The following HSD17B4 variants were observed in gnomAD, a reference collection of about 807,000 sequenced individuals.
The protein encoded by HSD17B4 is peroxisomal multifunctional enzyme type 2.
HSD17B4 carries 70 observed loss-of-function variants against 101.0 expected under a neutral mutation model. That is an observed-to-expected ratio of 0.69 (90% CI 0.57 to 0.85). HSD17B4 has a LOEUF of 0.85. Ranked by LOEUF, HSD17B4 falls within the 40% of genes least tolerant of loss-of-function variation. The probability of loss-of-function intolerance (pLI) is 0.00; values close to 1 mark genes in which losing one functional copy is unlikely to be tolerated. For synonymous variants in HSD17B4, 347 were observed against 297.1 expected (o/e 1.17, Z -1.73); for missense variants, 984 against 892.4 (o/e 1.10, Z -1.31).
chr5:119,463,655 C>CTTTTTTTTTTTTTTTTTT (rs57252147), intron 2 of HSD17B4, among the ~76,000 whole-genome samples: 3 of 29,688 alleles, frequency 1.0e-4, no homozygotes, highest in South Asian at 2.9e-3. Flanking sequence ...ATTTATATGT[C>CTTTTTTTTTTTTTTTTTT]TTTTTTTTTT....
chr5:119,461,569 T>A (rs1354145827), intron 2 of HSD17B4, among the ~76,000 whole-genome samples: 1 of 152,144 alleles, frequency 6.6e-6, no homozygotes, highest in Non-Finnish European at 1.5e-5. Context: ...TTTTATCGGA[T>A]CTAAGTGTGT....
intron 1 of HSD17B4, among the ~76,000 whole-genome samples, chr5:119,455,568 C>CTATA (rs1554059875): frequency 0.16 from 22,076 of 136,090 alleles, 2,073 homozygotes; most frequent in Non-Finnish European, 0.2. Context: ...CTCTCTCTCT[C>CTATA]TATATATATA....
At chr5:119,524,991 T>A (rs1449876701) in intron 17 of HSD17B4, among the ~76,000 whole-genome samples, 1 of 152,098 alleles carries the variant, frequency 6.6e-6, no homozygotes, top group Admixed American at 6.6e-5. Flanking sequence ...ATTCTTGGCT[T>A]CCCTTTCTAC....
chr5:119,531,566 GGGGTGTGT>G (rs757276107), intron 22 of HSD17B4, among the ~76,000 whole-genome samples, 162 bp downstream of exon 22: 5 of 35,268 alleles, frequency 1.4e-4, no homozygotes, highest in East Asian at 0.014. Context: ...TGTCCAAAGG[GGGGTGTGT>G]GTGTGTGTGT....
chr5:119,532,106 C>A (rs371950214), intron 22 of HSD17B4, among the ~76,000 whole-genome samples: 3 of 152,096 alleles, frequency 2.0e-5, no homozygotes, highest in Admixed American at 6.6e-5. Context: ...CTGTGTAACT[C>A]ACATCCTTAA....
At chr5:119,514,386 G>T (rs952963974) in intron 16 of HSD17B4, among the ~76,000 whole-genome samples, 2 of 152,150 alleles carry the variant, frequency 1.3e-5, no homozygotes, top group African/African-American at 4.8e-5. Flanking sequence ...TATTATAAAT[G>T]ATTGAGAAGT....
intron 11 of HSD17B4, among the ~76,000 whole-genome samples, chr5:119,494,684 A>G (rs1030788610): frequency 1.3e-5 from 2 of 152,074 alleles, no homozygotes; most frequent in African/African-American, 4.8e-5. Flanking sequence ...TGTTTCATGA[A>G]TGTATGGTTT....
intron 11 of HSD17B4, among the ~76,000 whole-genome samples, chr5:119,495,405 A>C (rs1285916856): frequency 6.6e-6 from 1 of 152,210 alleles, no homozygotes; most frequent in African/African-American, 2.4e-5. Context: ...ATAAGAATTG[A>C]CTTTCCAGAG....
chr5:119,526,041 C>T lies in HSD17B4; in HGVS notation c.1680+18C>T, dbSNP rs372870480. The T allele has an allele frequency of 2.1e-5, 27 of 1,307,190 alleles. No individual in the cohort carries two copies. Among genetic ancestry groups the T allele is most frequent in the Middle Eastern group, 1.8e-4 (1 of 5,480 alleles). The allele number at this position is 1,307,190 out of a possible 1,614,324, so 81.0% of individuals were successfully genotyped here. Reference sequence around the variant, plus strand: ...CAATTAAGGTAAATGTGTATTACTACGTAATTTGAATATTACTTCCTTTTT... The same window carrying T: ...CAATTAAGGTAAATGTGTATTACTATGTAATTTGAATATTACTTCCTTTTT... On this transcript the variant is annotated intron_variant, in intron 19 of 23. Transcript: ENST00000510025.
At chr5:119,485,043 A>G (rs1159783016) in intron 8 of HSD17B4, among the ~76,000 whole-genome samples, 1 of 152,178 alleles carries the variant, frequency 6.6e-6, no homozygotes, top group Non-Finnish European at 1.5e-5. Context: ...AATGTAATGA[A>G]TATTCATGAA....
chr5:119,503,436 C>CA (rs1751369068), intron 14 of HSD17B4, among the ~76,000 whole-genome samples: 2 of 152,162 alleles, frequency 1.3e-5, no homozygotes, highest in South Asian at 4.1e-4. Context: ...TGTGCATTTT[C>CA]TTTAAGCAGT....
intron 22 of HSD17B4, among the ~76,000 whole-genome samples, chr5:119,532,046 G>T (rs929077613): frequency 6.6e-6 from 1 of 152,128 alleles, no homozygotes; most frequent in African/African-American, 2.4e-5. Context: ...AGAGAAATTA[G>T]AGGATAAAAA....
Position 119,452,597 on chromosome 5 carries a change from G to T in HSD17B4, c.22G>T (p.Asp8Tyr). 6.2e-7 allele frequency: 1 copy of T among 1,614,000 alleles called. No individual in the cohort carries two copies. The highest frequency in any genetic ancestry group is 8.5e-7 in the Non-Finnish European group (1 of 1,179,992). The change falls in exon 1 of 24, where the codon GAC becomes TAC. Residue 8 changes from aspartate to tyrosine, a missense_variant. Coordinates refer to ENST00000510025, the MANE Select transcript of HSD17B4 (RefSeq NM_000414.4). ...ATTCATGGGCTCACCGCTGAGGTTC[G>T]ACGGGCGGGTGGTACTGGTCACCGG... is the stretch of plus-strand genomic sequence containing the variant. Reference protein sequence around the residue: MGSPLRFDGRVVLVTGAG... With the variant: MGSPLRFYGRVVLVTGAG...
At chr5:119,489,085 A>T (rs1749861657) in intron 8 of HSD17B4, 107 bp from the exon 9 acceptor site, 1 of 768,404 alleles carries the variant, frequency 1.3e-6, no homozygotes, top group Non-Finnish European at 2.3e-6. Context: ...TATACATACT[A>T]ATTTTGTTCC....
intron 21 of HSD17B4, among the ~76,000 whole-genome samples, chr5:119,530,712 C>G (rs956473244): frequency 6.6e-6 from 1 of 151,156 alleles, no homozygotes; most frequent in Admixed American, 6.6e-5. Flanking sequence ...AATTAGCCAG[C>G]CTTGGTGGCA....
chr5:119,486,113 A>G (rs529029048), intron 8 of HSD17B4, among the ~76,000 whole-genome samples: 1 of 152,132 alleles, frequency 6.6e-6, no homozygotes. Flanking sequence ...TGGCTTTTCC[A>G]TAGGACTGCT....
intron 1 of HSD17B4, 90 bp downstream of exon 1, chr5:119,452,723 AGGTCACCCCGCTGAGGT>A (rs754579334): frequency 6.2e-6 from 10 of 1,604,762 alleles, no homozygotes; most frequent in Non-Finnish European, 8.5e-6. Flanking sequence ...GCCGCAGCTG[AGGTCACCCCGCTGAGGT>A]GGTGGGGAGG....
intron 8 of HSD17B4, among the ~76,000 whole-genome samples, chr5:119,488,407 C>T (rs1349710087): frequency 6.6e-6 from 1 of 151,994 alleles, no homozygotes; most frequent in African/African-American, 2.4e-5. Flanking sequence ...GGAATAAATT[C>T]TAGTATTTGA....
At chr5:119,480,978 G>C (rs902201465) in intron 8 of HSD17B4, among the ~76,000 whole-genome samples, 2 of 152,098 alleles carry the variant, frequency 1.3e-5, no homozygotes, top group African/African-American at 4.8e-5. Context: ...CTTATTCCCC[G>C]AACAATTGCT....
Sources: gnomAD v4.1 joint callset for allele counts (sites outside exome capture counted in the v4.1 genomes callset) on GRCh38, gnomAD v4.1.1 for gene constraint, MANE v1.5 for transcripts, NCBI Gene and HGNC (gene_info 2026-07-23, HGNC 2026-07-21) for gene names.